Variants in DOCK4 observed in about 807,000 individuals in gnomAD.
DOCK4 encodes the protein dedicator of cytokinesis protein 4.
A neutral mutation model predicts 268.1 loss-of-function variants in DOCK4; 97 were observed. The ratio of observed to expected loss-of-function variants is 0.36; its 90% CI spans 0.31 to 0.43. The LOEUF is 0.43. DOCK4 is among the 20% of genes least tolerant of loss of function. The pLI, the probability that DOCK4 is intolerant of heterozygous loss-of-function variation, is 1.00. For synonymous variants in DOCK4, 954 were observed against 887.2 expected, an observed-to-expected ratio of 1.08 and a Z score of -1.34; for missense variants, 2,145 against 2,455.7, an observed-to-expected ratio of 0.87 and a Z score of 2.67.
At chr7:111,821,644 A>T (rs1189550739) in intron 27 of DOCK4, 2 of 152,178 alleles carry the variant, frequency 1.3e-5, no homozygotes, top group Non-Finnish European at 2.9e-5. Flanking sequence ...TCTTCTAGAG[A>T]TTCCAATATC....
chr7:112,151,447 C>T (rs1002349961), intron 1 of DOCK4, among the ~76,000 whole-genome samples: 2 of 152,120 alleles, frequency 1.3e-5, no homozygotes, highest in African/African-American at 4.8e-5. Context: ...ATACCCACGG[C>T]ACCACAGTTG....
intron 1 of DOCK4, among the ~76,000 whole-genome samples, chr7:112,089,527 C>T (rs887096614): frequency 6.6e-6 from 1 of 152,138 alleles, no homozygotes; most frequent in Non-Finnish European, 1.5e-5. Context: ...AGAAGTCCTT[C>T]CAAAGGACAT....
At chr7:112,064,168 C>G (rs1047239717) in intron 1 of DOCK4, among the ~76,000 whole-genome samples, 5 of 152,160 alleles carry the variant, frequency 3.3e-5, no homozygotes, top group Admixed American at 3.3e-4. Flanking sequence ...TGGATCACAG[C>G]AGAAGCAATG....
At chr7:112,088,077 TGGGACAAGGTCCCGTATGA>T (rs1489774388) in intron 1 of DOCK4, among the ~76,000 whole-genome samples, 4 of 152,098 alleles carry the variant, frequency 2.6e-5, no homozygotes, top group South Asian at 4.1e-4. Context: ...AGTGGGATCG[TGGGACAAGGTCCCGTATGA>T]GACCTCGCAT....
chr7:111,848,156 T>C (rs978231198), intron 23 of DOCK4, among the ~76,000 whole-genome samples: 2 of 152,264 alleles, frequency 1.3e-5, no homozygotes, highest in African/African-American at 4.8e-5. Flanking sequence ...TACATTTACA[T>C]TGAATCTCTT....
intron 12 of DOCK4, among the ~76,000 whole-genome samples, chr7:111,926,694 G>A (rs992834580): frequency 9.4e-5 from 14 of 149,464 alleles, no homozygotes; most frequent in African/African-American, 3.2e-4. Flanking sequence ...TAAGCCAAGC[G>A]TGGTGGTGTG....
intron 16 of DOCK4, among the ~76,000 whole-genome samples, chr7:111,879,143 C>T (rs188175067): frequency 2.2e-4 from 34 of 151,958 alleles, no homozygotes; most frequent in Middle Eastern, 3.4e-3. Flanking sequence ...ACCAGCTCAG[C>T]CACAGTAAGA....
At chr7:111,945,580 C>G in intron 9 of DOCK4, 137 bp downstream of exon 9, 1 of 688,788 alleles carries the variant, frequency 1.5e-6, no homozygotes, top group Non-Finnish European at 2.4e-6. Flanking sequence ...ATTCTGGGCA[C>G]TAATGTAATT....
intron 1 of DOCK4, among the ~76,000 whole-genome samples, chr7:112,119,197 G>A (rs1812467708): frequency 6.6e-6 from 1 of 152,136 alleles, no homozygotes; most frequent in Admixed American, 6.5e-5. Context: ...GGGTGGGAGG[G>A]AAGCAGAGGA....
chr7:111,853,152 C>T (rs1310121223), intron 23 of DOCK4, among the ~76,000 whole-genome samples: 1 of 152,284 alleles, frequency 6.6e-6, no homozygotes, highest in East Asian at 1.9e-4. Context: ...GGGTAGATTT[C>T]CTCCTTTAGG....
chr7:111,840,883 G>T (rs759416275), intron 25 of DOCK4: 3 of 1,328,490 alleles, frequency 2.3e-6, no homozygotes, highest in East Asian at 4.6e-5. Flanking sequence ...GTGAGAAAAT[G>T]ATAAAGAAAT....
chr7:111,808,746 C>A, intron 30 of DOCK4, 75 bp downstream of exon 30: 1 of 1,480,980 alleles, frequency 6.8e-7, no homozygotes, highest in East Asian at 2.4e-5. Context: ...TGGTAAATTG[C>A]CTTTCTTCAT....
At chr7:112,027,987 A>G (rs1802954712) in intron 1 of DOCK4, among the ~76,000 whole-genome samples, 1 of 152,244 alleles carries the variant, frequency 6.6e-6, no homozygotes, top group Non-Finnish European at 1.5e-5. Context: ...AGGGCAGTAC[A>G]TAGAAGAGGA....
intron 30 of DOCK4, among the ~76,000 whole-genome samples, chr7:111,802,557 T>C (rs1182938136): frequency 2.0e-5 from 3 of 152,222 alleles, no homozygotes; most frequent in South Asian, 4.1e-4. Context: ...ATGCCTGAGC[T>C]GGTAGATGAG....
At chr7:111,975,764 A>G (rs928826810) in intron 8 of DOCK4, among the ~76,000 whole-genome samples, 9 of 152,190 alleles carry the variant, frequency 5.9e-5, no homozygotes, top group Non-Finnish European at 1.0e-4. Context: ...TTAATTCAAC[A>G]AAGATTTTAT....
chr7:112,093,880 A>C, intron 1 of DOCK4, among the ~76,000 whole-genome samples: 1 of 73,434 alleles, frequency 1.4e-5, no homozygotes, highest in Non-Finnish European at 2.8e-5. Flanking sequence ...CATATAAGGA[A>C]AAAAAAAAAA....
chr7:112,041,872 G>T (rs1002250416), intron 1 of DOCK4, among the ~76,000 whole-genome samples: 1 of 152,188 alleles, frequency 6.6e-6, no homozygotes, highest in African/African-American at 2.4e-5. Context: ...TTTTGCATCA[G>T]ATAGCGTACT....
At chr7:111,990,173 T>C (rs895980177) in intron 5 of DOCK4, among the ~76,000 whole-genome samples, 5 of 152,170 alleles carry the variant, frequency 3.3e-5, no homozygotes, top group Non-Finnish European at 5.9e-5. Flanking sequence ...AGAAAAAATA[T>C]GTAAGTATTA....
Position 112,002,482 on chromosome 7 carries a change from C to A in DOCK4, c.121+1566G>T, listed in dbSNP as rs938615513. Among the ~76,000 whole-genome samples the A allele has an allele frequency of 2.0e-5, 3 of 152,164 alleles. No homozygotes were observed. The East Asian group carries it at 5.8e-4, about 29-fold the overall frequency. On this transcript the variant is annotated intron_variant, in intron 2 of 52. Coordinates refer to ENST00000428084, the MANE Select transcript of DOCK4 (RefSeq NM_001363540.2). ...CAAAGTAGTAACAGACAAAATATAT[C>A]TGGCAATAACACAGGAAATCTTATT...
Sources: allele counts gnomAD v4.1 joint callset (sites outside exome capture counted in the v4.1 genomes callset), GRCh38; gene constraint gnomAD v4.1.1; transcripts MANE v1.5; gene names NCBI Gene and HGNC (gene_info 2026-07-23, HGNC 2026-07-21).